Variants in PTPRB observed in about 807,000 individuals in gnomAD.
PTPRB encodes the protein receptor-type tyrosine-protein phosphatase beta.
In PTPRB, 97 loss-of-function variants were observed where a neutral mutation model predicts 238.1. The observed-to-expected ratio is 0.41, with a 90% CI of 0.35 to 0.48. The LOEUF is 0.48. Ranked by LOEUF, PTPRB falls within the 20% of genes least tolerant of loss-of-function variation. The probability of loss-of-function intolerance (pLI) is 0.30; values close to 1 mark genes in which losing one functional copy is unlikely to be tolerated. For missense variants in PTPRB, 2,292 were observed against 2,681.9 expected, an observed-to-expected ratio of 0.85 and a Z score of 3.21; for synonymous variants, 970 against 995.4, an observed-to-expected ratio of 0.97 and a Z score of 0.48.
In PTPRB at chr12:70,566,614, TC is replaced by T; in HGVS notation, c.3724del (p.Glu1242LysfsTer8). 6.2e-7 allele frequency: 1 copy of T among 1,614,060 alleles called. No homozygotes were observed. Among genetic ancestry groups the T allele is most frequent in the Non-Finnish European group, 8.5e-7 (1 of 1,179,900 alleles). The part of the protein sequence containing the change: ...VSWQKAAGVA[E>X]RYDILLLTEN... ...AGTTAGAAGCAGGATATCATATCTT[TC>T]TGCCACACCAGCAGCTTTTTGCCAA... On this transcript the variant is annotated frameshift_variant, in exon 15 of 34. Transcript: ENST00000334414. LOFTEE classifies it high-confidence loss of function.
intron 14 of PTPRB, 121 bp from the exon 15 acceptor site, chr12:70,566,825 G>A: frequency 9.4e-7 from 1 of 1,065,876 alleles, no homozygotes; most frequent in Non-Finnish European, 1.4e-6. Context: ...TTATTTGTGT[G>A]TCATTGACAC....
At chr12:70,616,004 G>A (rs948656658) in intron 3 of PTPRB, among the ~76,000 whole-genome samples, 5 of 152,126 alleles carry the variant, frequency 3.3e-5, no homozygotes, top group East Asian at 1.9e-4. Flanking sequence ...TTTTGTCAAC[G>A]ATCTCAATAA....
Position 70,609,174 on chromosome 12 carries a change from C to G in PTPRB, c.874G>C (p.Asp292His). The change falls in exon 4 of 34, where the codon GAC becomes CAC. Residue 292 changes from aspartate to histidine, a missense_variant. Around this residue, in one of 4 missense-constraint regions of PTPRB, gnomAD observed 1,205 missense variants for 1,287.8 expected, o/e 0.94. Coordinates refer to ENST00000334414, the MANE Select transcript of PTPRB (RefSeq NM_001109754.4). ...GAALCPTFRIDNTTYGCNLQD... is the reference protein window; with the variant it reads ...GAALCPTFRIHNTTYGCNLQD... Reference sequence around the variant, plus strand: ...AGGTTACATCCGTATGTGGTGTTGTCTATCCGAAAGGTAGGGCACAACGCG... The same window carrying G: ...AGGTTACATCCGTATGTGGTGTTGTGTATCCGAAAGGTAGGGCACAACGCG... The G allele has an allele frequency of 6.2e-7, 1 of 1,614,038 alleles. No homozygotes were observed. The highest frequency in any genetic ancestry group is 8.5e-7 in the Non-Finnish European group (1 of 1,179,900).
At position 70,582,675 on chromosome 12, in the gene PTPRB, C is replaced by T. The variant is rs371302903; in HGVS notation, c.2312-1373G>A. Among the ~76,000 whole-genome samples, 188 of 152,092 alleles carry T rather than the reference C, an allele frequency of 1.2e-3. 1 individual carries two copies. Among genetic ancestry groups the T allele is most frequent in the African/African-American group, 4.3e-3 (178 of 41,508 alleles). On this transcript the variant is annotated intron_variant, in intron 9 of 33. Coordinates refer to ENST00000334414, the MANE Select transcript of PTPRB (RefSeq NM_001109754.4). ...ATATAAAAATTAACTCAAAATGGGT[C>T]GCAGACCTACATTTAAAACCTAAAA...
At chr12:70,603,322 G>A (rs7300035) in intron 4 of PTPRB, among the ~76,000 whole-genome samples, 32,696 of 151,952 alleles carry the variant, frequency 0.22, 3,643 homozygotes, top group South Asian at 0.29. Flanking sequence ...ATAGTGACTC[G>A]CAATTGCTTC....
At position 70,538,445 on chromosome 12, in the gene PTPRB, C is replaced by T. The variant is rs1357647513; in HGVS notation, c.5870-214G>A. On this transcript the variant is annotated intron_variant, in intron 27 of 33. Coordinates refer to ENST00000334414, the MANE Select transcript of PTPRB (RefSeq NM_001109754.4). ...CAGACACAGGAGACAACATGAAGCCCCATCTGTGCTTCCCTTTCTGACATT... is the reference window on the plus strand; with the variant it reads ...CAGACACAGGAGACAACATGAAGCCTCATCTGTGCTTCCCTTTCTGACATT... The T allele has an allele frequency of 4.4e-5, 23 of 520,176 alleles. No homozygotes were observed. In the East Asian group the frequency reaches 7.1e-4, roughly 16 times the overall value. The allele number at this position is 520,176 out of a possible 1,614,324, so 32.2% of individuals were successfully genotyped here.
chr12:70,612,194 T>G (rs1884485327), intron 3 of PTPRB, among the ~76,000 whole-genome samples: 1 of 152,198 alleles, frequency 6.6e-6, no homozygotes, highest in South Asian at 2.1e-4. Context: ...AGCTCCCAAA[T>G]GATTAGTGAG....
Position 70,560,577 on chromosome 12 carries a change from T to C in PTPRB, c.4432+94A>G, listed in dbSNP as rs1211888546. 6.6e-7 allele frequency: 1 copy of C among 1,513,916 alleles called. No individual in the cohort carries two copies. The highest frequency in any genetic ancestry group is 1.8e-5 in the Admixed American group (1 of 54,312). 93.8% of individuals were successfully genotyped at this position (1,513,916 alleles called of 1,614,324 possible). A position where few individuals can be genotyped will look rare whatever the true frequency, so the allele number is the denominator to read the frequency against. On this transcript the variant is annotated intron_variant, in intron 17 of 33. Coordinates refer to ENST00000334414, the MANE Select transcript of PTPRB (RefSeq NM_001109754.4). This position sits in a 1 kb window ranked among gnomAD's most constrained non-coding sequence, Gnocchi z 4.2. ...GGGCTAGCTCAGGGTATATCATTAT[T>C]GGCTTTATCTCTTGTCATTAAAATC...
At chr12:70,522,335 C>T (rs1005976610) in intron 33 of PTPRB, among the ~76,000 whole-genome samples, 7 of 152,182 alleles carry the variant, frequency 4.6e-5, no homozygotes, top group African/African-American at 1.2e-4. Context: ...CATTATGAAG[C>T]GAGTCCTCCA....
At chr12:70,635,421 A>C (rs1276436659) in intron 2 of PTPRB, among the ~76,000 whole-genome samples, 6 of 152,208 alleles carry the variant, frequency 3.9e-5, no homozygotes, top group Non-Finnish European at 7.3e-5. Context: ...TTAATAAAAG[A>C]AGCAAGACAA....
At chr12:70,626,969 A>G (rs1358298374) in intron 2 of PTPRB, among the ~76,000 whole-genome samples, 1 of 152,172 alleles carries the variant, frequency 6.6e-6, no homozygotes, top group Non-Finnish European at 1.5e-5. Flanking sequence ...AGAAAGTAAA[A>G]TTAATAAATG....
intron 32 of PTPRB, among the ~76,000 whole-genome samples, chr12:70,526,421 G>GTCTGAAACTCCTGGCCTCAAGCCATC (rs1872451196): frequency 6.6e-6 from 1 of 152,126 alleles, no homozygotes; most frequent in South Asian, 2.1e-4. Context: ...GCCCAGGCTG[G>GTCTGAAACTCCTGGCCTCAAGCCATC]TCTGAAACTC....
rs968028719 is a variant in PTPRB at position 70,572,042 on chromosome 12, C to G, written c.2888G>C (p.Ser963Thr). Residue 963 changes from serine to threonine, a missense_variant, in exon 12 of 34, where the codon AGT becomes ACT. Around this residue, in one of 4 missense-constraint regions of PTPRB, gnomAD observed 1,205 missense variants for 1,287.8 expected, o/e 0.94. Coordinates refer to ENST00000334414, the MANE Select transcript of PTPRB (RefSeq NM_001109754.4). ...QGVSVSNSAR[S>T]DYLRVSWVHA... ...CACCCAGGATACCCTTAAATAGTCA[C>G]TCCTGGCTGAGTTGCTAACACTGAC... 1.9e-6 allele frequency: 3 copies of G among 1,613,624 alleles called. No homozygotes were observed. Among genetic ancestry groups the G allele is most frequent in the Middle Eastern group, 3.3e-4 (2 of 6,062 alleles).
chr12:70,595,276 C>T (rs927586305), intron 5 of PTPRB, among the ~76,000 whole-genome samples: 1 of 151,852 alleles, frequency 6.6e-6, no homozygotes, highest in African/African-American at 2.4e-5. Context: ...GGGAGGGGAA[C>T]ATCACACACG....
At chr12:70,523,916 A>G (rs577599367) in intron 33 of PTPRB, among the ~76,000 whole-genome samples, 6 of 151,848 alleles carry the variant, frequency 4.0e-5, no homozygotes, top group Admixed American at 6.6e-5. Flanking sequence ...CCCAGGTTCA[A>G]GCAGTTCTGC....
rs1447158312 is a variant in PTPRB, at chr12:70,571,126, C to T, written c.3270G>A (p.Glu1090=). The change falls in exon 13 of 34, where the codon GAG becomes GAA. Residue 1090 remains glutamate, a synonymous_variant. Coordinates refer to ENST00000334414, the MANE Select transcript of PTPRB (RefSeq NM_001109754.4). The stretch of plus-strand genomic sequence containing the variant: ...CTGGTGTTAGGGAAGTAAATCGATA[C>T]TCGGTTGCGGTATTTACAAGGTGAA... ...PPFHLVNTAT[E]YRFTSLTPGR... 4.3e-6 allele frequency: 7 copies of T among 1,613,970 alleles called. No homozygotes were observed. Among genetic ancestry groups the T allele is most frequent in the Admixed American group, 1.7e-5 (1 of 60,024 alleles).
intron 3 of PTPRB, chr12:70,609,922 G>T: frequency 9.7e-7 from 1 of 1,028,772 alleles, no homozygotes; most frequent in South Asian, 2.6e-5. Context: ...CGCCCCGTGG[G>T]CGCAGCGCGC....
intron 2 of PTPRB, among the ~76,000 whole-genome samples, chr12:70,627,662 A>T (rs1885266986): frequency 2.0e-5 from 3 of 152,110 alleles, no homozygotes; most frequent in African/African-American, 7.2e-5. Context: ...GGAATGCTGG[A>T]TGCTATACCT....
chr12:70,634,127 C>T (rs1263527611), intron 2 of PTPRB, among the ~76,000 whole-genome samples: 1 of 152,094 alleles, frequency 6.6e-6, no homozygotes, highest in Non-Finnish European at 1.5e-5. Context: ...GCAAAGCATA[C>T]CACTTATTGT....
Sources: gnomAD v4.1 joint callset for allele counts (sites outside exome capture counted in the v4.1 genomes callset) on GRCh38, gnomAD v4.1.1 for gene constraint, gnomAD v4.1.1 regional missense constraint, Gnocchi (gnomAD v3.1) non-coding constraint, MANE v1.5 for transcripts, NCBI Gene and HGNC (gene_info 2026-07-23, HGNC 2026-07-21) for gene names.